LANCL3: variants seen among roughly 807,000 people sequenced by gnomAD.
The protein encoded by LANCL3 is lanC-like protein 3.
LANCL3 carries 19 observed loss-of-function variants against 26.5 expected under a neutral mutation model. The observed-to-expected ratio is 0.72, with a 90% CI of 0.50 to 1.05. LANCL3 has a LOEUF of 1.05. Ranked by LOEUF, LANCL3 falls within the 50% of genes least tolerant of loss-of-function variation. The probability of loss-of-function intolerance (pLI) is 0.00; values close to 1 mark genes in which losing one functional copy is unlikely to be tolerated. For synonymous variants in LANCL3, 160 were observed against 166.6 expected (o/e 0.96, Z 0.30); for missense variants, 318 against 362.7 (o/e 0.88, Z 1.00).
intron 1 of LANCL3, among the ~76,000 whole-genome samples, chrX:37,624,992 C>T (rs1925275854): frequency 9.0e-6 from 1 of 111,543 alleles, no homozygotes. Context: ...TTTCAACTGC[C>T]TGTGTATAGA....
chrX:37,657,513 C>G (rs781829056), intron 2 of LANCL3, among the ~76,000 whole-genome samples: 1 of 107,312 alleles, frequency 9.3e-6, no homozygotes, highest in Non-Finnish European at 1.9e-5. Context: ...AGGTATGCTT[C>G]AGTATGCCTG....
intron 3 of LANCL3, among the ~76,000 whole-genome samples, chrX:37,661,011 G>GT (rs148202344): frequency 0.22 from 22,774 of 105,708 alleles, 2,294 homozygotes; most frequent in African/African-American, 0.37. Context: ...TGTGGGCGGG[G>GT]GGGGAACAAG....
intron 1 of LANCL3, among the ~76,000 whole-genome samples, chrX:37,628,214 T>A (rs1249029408): frequency 9.0e-6 from 1 of 111,565 alleles, no homozygotes; most frequent in Non-Finnish European, 1.9e-5. Context: ...AATATGATGT[T>A]CTGCAAAGGA....
intron 1 of LANCL3, among the ~76,000 whole-genome samples, chrX:37,622,782 A>G (rs2146746206): frequency 8.9e-6 from 1 of 111,989 alleles, no homozygotes; most frequent in African/African-American, 3.2e-5. Context: ...ACTTTTAGGT[A>G]CAGCTTATGT....
intron 1 of LANCL3, among the ~76,000 whole-genome samples, chrX:37,636,057 G>C (rs1925698495): frequency 9.2e-6 from 1 of 109,124 alleles, no homozygotes; most frequent in Non-Finnish European, 1.9e-5. Flanking sequence ...AGAATATGCA[G>C]TATTTGGTTT....
At chrX:37,622,663 T>G (rs1239643457) in intron 1 of LANCL3, among the ~76,000 whole-genome samples, 1 of 112,029 alleles carries the variant, frequency 8.9e-6, no homozygotes, top group Non-Finnish European at 1.9e-5. Flanking sequence ...TGTTATCTTT[T>G]TCTCCTTCAC....
chrX:37,612,793 A>G (rs1466139085), intron 1 of LANCL3, among the ~76,000 whole-genome samples: 2 of 111,948 alleles, frequency 1.8e-5, no homozygotes, highest in Admixed American at 9.4e-5. Flanking sequence ...GAGATCAGGA[A>G]ATGTTGACAC....
chrX:37,623,538 C>A (rs888636468), intron 1 of LANCL3, among the ~76,000 whole-genome samples: 19 of 112,124 alleles, frequency 1.7e-4, no homozygotes, highest in African/African-American at 5.5e-4. Context: ...AAAAGTGATT[C>A]TTTTAAAAGC....
intron 1 of LANCL3, among the ~76,000 whole-genome samples, chrX:37,580,674 C>T (rs1467040568): frequency 1.2e-4 from 13 of 111,104 alleles, no homozygotes; most frequent in African/African-American, 3.9e-4. Context: ...AAACTTTGTA[C>T]CCTTTTACCA....
At chrX:37,616,193 C>G (rs939648712) in intron 1 of LANCL3, among the ~76,000 whole-genome samples, 1 of 111,115 alleles carries the variant, frequency 9.0e-6, no homozygotes, top group Non-Finnish European at 1.9e-5. Flanking sequence ...ACTCTCTATC[C>G]ACTCCTACCA....
intron 1 of LANCL3, among the ~76,000 whole-genome samples, chrX:37,596,556 T>C (rs1039438347): frequency 3.6e-5 from 4 of 112,250 alleles, no homozygotes; most frequent in Admixed American, 2.8e-4. Context: ...TTCTCAGAAT[T>C]CTGAAGCTGT....
intron 1 of LANCL3, among the ~76,000 whole-genome samples, chrX:37,634,555 A>T (rs782730605): frequency 1.8e-5 from 2 of 112,793 alleles, no homozygotes; most frequent in South Asian, 3.7e-4. Context: ...GGAGCTGTAG[A>T]CCGGAGCTGT....
intron 3 of LANCL3, among the ~76,000 whole-genome samples, chrX:37,662,815 CTTTT>C (rs57561710): frequency 1.0e-5 from 1 of 99,381 alleles, no homozygotes. Context: ...CCCACCATTC[CTTTT>C]TTTTTTTTTT....
chrX:37,616,137 A>G (rs781845238), intron 1 of LANCL3, among the ~76,000 whole-genome samples: 1 of 111,134 alleles, frequency 9.0e-6, no homozygotes, highest in Admixed American at 9.6e-5. Flanking sequence ...CAAGAATCAA[A>G]TTTAGTGTTC....
chrX:37,641,221 G>T (rs1174679463), intron 1 of LANCL3, among the ~76,000 whole-genome samples: 1 of 110,264 alleles, frequency 9.1e-6, no homozygotes, highest in Non-Finnish European at 1.9e-5. Context: ...ATTCCCTACA[G>T]TACATAAATG....
At chrX:37,591,738 G>C (rs1228727767) in intron 1 of LANCL3, among the ~76,000 whole-genome samples, 1 of 104,440 alleles carries the variant, frequency 9.6e-6, no homozygotes, top group Non-Finnish European at 1.9e-5. Flanking sequence ...GGTGGGGGGG[G>C]TATGTACATT....
At chrX:37,600,301 G>T (rs1371962023) in intron 1 of LANCL3, among the ~76,000 whole-genome samples, 1 of 111,707 alleles carries the variant, frequency 9.0e-6, no homozygotes, top group East Asian at 2.8e-4. Flanking sequence ...TTTATTGTAG[G>T]TAGTTATGCA....
intron 4 of LANCL3, among the ~76,000 whole-genome samples, chrX:37,670,101 T>A (rs1344813429): frequency 1.8e-5 from 2 of 112,342 alleles, no homozygotes; most frequent in African/African-American, 3.2e-5. Flanking sequence ...ATCCAATACA[T>A]ACATTTCTGT....
At chrX:37,574,418 C>G (rs191677629) in intron 1 of LANCL3, among the ~76,000 whole-genome samples, 2 of 111,437 alleles carry the variant, frequency 1.8e-5, no homozygotes, top group Admixed American at 9.5e-5. Flanking sequence ...ATTCCTCTGG[C>G]AATTCCCTCA....
Sources: gnomAD v4.1 joint callset for allele counts (sites outside exome capture counted in the v4.1 genomes callset) on GRCh38, gnomAD v4.1.1 for gene constraint, MANE v1.5 for transcripts, NCBI Gene and HGNC (gene_info 2026-07-23, HGNC 2026-07-21) for gene names.